Variants in CBL observed in about 807,000 individuals in gnomAD.
CBL encodes the protein Cbl proto-oncogene.
In CBL, 45 loss-of-function variants were observed where a neutral mutation model predicts 96.9. The observed-to-expected ratio is 0.46, with a 90% CI of 0.37 to 0.60. CBL has a LOEUF of 0.60. CBL is among the 20% of genes least tolerant of loss of function. The pLI, the probability that CBL is intolerant of heterozygous loss-of-function variation, is 0.00. For synonymous variants in CBL, 420 were observed against 426.8 expected (o/e 0.98, Z 0.20); for missense variants, 1,024 against 1,143.5 (o/e 0.90, Z 1.51).
chr11:119,286,301 A>G (rs1432838260), intron 11 of CBL, among the ~76,000 whole-genome samples: 7 of 151,478 alleles, frequency 4.6e-5, no homozygotes, highest in Non-Finnish European at 4.4e-5. Context: ...CTTTGTCTCA[A>G]AAAAAAAATG....
chr11:119,280,775 T>C (rs35592367), intron 9 of CBL, among the ~76,000 whole-genome samples: 3,731 of 152,262 alleles, frequency 0.025, 167 homozygotes, highest in African/African-American at 0.084. Flanking sequence ...TCTTGATCTC[T>C]TCACCTCAGA....
chr11:119,253,362 A>C (rs899068933), intron 2 of CBL, among the ~76,000 whole-genome samples: 6 of 150,042 alleles, frequency 4.0e-5, no homozygotes, highest in African/African-American at 1.5e-4. Context: ...ATATGCCTGT[A>C]GTCCCAGCTA....
chr11:119,292,008 A>G (rs1346318751), intron 12 of CBL, among the ~76,000 whole-genome samples: 2 of 152,192 alleles, frequency 1.3e-5, no homozygotes, highest in African/African-American at 4.8e-5. Flanking sequence ...ATGTGCCACC[A>G]TGCCTGGCTA....
intron 2 of CBL, among the ~76,000 whole-genome samples, chr11:119,236,880 C>A (rs536892024): frequency 7.0e-4 from 106 of 151,928 alleles, no homozygotes; most frequent in Non-Finnish European, 1.3e-3. Context: ...TAGTTGTCCC[C>A]CTTTATCCTC....
Position 119,277,676 on chromosome 11 carries a change from A to G in CBL, c.1008-81A>G, listed in dbSNP as rs528090024. 9.0e-5 allele frequency: 81 copies of G among 900,072 alleles called. No homozygotes were observed. The African/African-American group carries it at 1.1e-3, about 13-fold the overall frequency. The allele number at this position is 900,072 out of a possible 1,614,324, so 55.8% of individuals were successfully genotyped here. On this transcript the variant is annotated intron_variant, in intron 6 of 15. Coordinates refer to ENST00000264033, the MANE Select transcript of CBL (RefSeq NM_005188.4). Reference sequence around the variant, plus strand: ...CACGTTGCCCTTTTAGAATGGAGAAACTCCCAGATTCCATTTGTCTATATT... The same window carrying G: ...CACGTTGCCCTTTTAGAATGGAGAAGCTCCCAGATTCCATTTGTCTATATT...
intron 2 of CBL, among the ~76,000 whole-genome samples, chr11:119,264,615 GA>G (rs1949786639): frequency 6.6e-6 from 1 of 151,734 alleles, no homozygotes; most frequent in Admixed American, 6.6e-5. Context: ...CCTAGTAGCT[GA>G]GACTAGAGGT....
rs760597235 is a variant in CBL, at chr11:119,306,334, A to G, written c.*6553A>G. On this transcript the variant is annotated 3_prime_UTR_variant, in exon 16 of 16. Transcript: ENST00000264033. ...TCAGATCTCCTGATTTGGCAGCTGA[A>G]GAAATCAGCAGAGTCCTGATTGCCT... The G allele has an allele frequency of 3.5e-5, 14 of 398,650 alleles. No individual in the cohort carries two copies. The highest frequency in any genetic ancestry group is 5.3e-5 in the Non-Finnish European group (12 of 226,154). 24.7% of individuals were successfully genotyped at this position (398,650 alleles called of 1,614,324 possible). A position where few individuals can be genotyped will look rare whatever the true frequency, so the allele number is the denominator to read the frequency against.
At chr11:119,232,380 T>C (rs1949509877) in intron 1 of CBL, 68 bp from the exon 2 acceptor site, 1 of 1,567,336 alleles carries the variant, frequency 6.4e-7, no homozygotes, top group Non-Finnish European at 8.7e-7. Context: ...ATAACTTTCT[T>C]AAACTTAAAA....
chr11:119,281,805 G>A (rs1437789313), intron 9 of CBL, among the ~76,000 whole-genome samples: 1 of 152,004 alleles, frequency 6.6e-6, no homozygotes, highest in Non-Finnish European at 1.5e-5. Context: ...CCCACCAGAA[G>A]CTTTTAAGAT....
chr11:119,263,080 G>A (rs139799214), intron 2 of CBL, among the ~76,000 whole-genome samples: 19 of 152,266 alleles, frequency 1.2e-4, no homozygotes, highest in East Asian at 5.8e-4. Context: ...ATTTAGCTTA[G>A]TAAAGCATCT....
At chr11:119,213,799 T>C (rs970095857) in intron 1 of CBL, among the ~76,000 whole-genome samples, 10 of 152,236 alleles carry the variant, frequency 6.6e-5, no homozygotes, top group African/African-American at 2.4e-4. Flanking sequence ...CTTAAGCGTC[T>C]GGGCTCAAGC....
In CBL at chr11:119,303,246, G is replaced by T. The variant is rs1180246579; in HGVS notation, c.*3465G>T. 1 of 232,044 alleles carries T rather than the reference G, an allele frequency of 4.3e-6. No individual in the cohort carries two copies. The highest frequency in any genetic ancestry group is 8.5e-6 in the Non-Finnish European group (1 of 117,138). The allele number at this position is 232,044 out of a possible 1,614,324, so 14.4% of individuals were successfully genotyped here. On this transcript the variant is annotated 3_prime_UTR_variant, in exon 16 of 16. Coordinates refer to ENST00000264033, the MANE Select transcript of CBL (RefSeq NM_005188.4). ...CTACCTCACGTCATTAAAGTCAGAA[G>T]ATTATAGACCTTCTCAAACTATAAG... is the stretch of plus-strand genomic sequence containing the variant.
In CBL at chr11:119,277,241, G is replaced by GCACACACACACACACACACA. The variant is rs59099916; in HGVS notation, c.1008-505_1008-486dup. ...CAAAAAAAAAATAAGAATCTGTCGC[G>GCACACACACACACACACACA]CACACACACACACACACACACACAC... On this transcript the variant is annotated intron_variant, in intron 6 of 15. Transcript: ENST00000264033. 7.0e-4 allele frequency among the ~76,000 whole-genome samples: 102 copies of GCACACACACACACACACACA among 146,484 alleles called. 2 individuals carry two copies. Among genetic ancestry groups the GCACACACACACACACACACA allele is most frequent in the African/African-American group, 1.6e-3 (63 of 39,346 alleles).
intron 1 of CBL, among the ~76,000 whole-genome samples, chr11:119,210,905 C>T (rs1949311782): frequency 6.6e-6 from 1 of 152,024 alleles, no homozygotes; most frequent in African/African-American, 2.4e-5. Context: ...TGCCTGAAAA[C>T]CCCCAATAGT....
chr11:119,293,814 G>A (rs1200103201), intron 12 of CBL, among the ~76,000 whole-genome samples: 1 of 152,188 alleles, frequency 6.6e-6, no homozygotes, highest in Non-Finnish European at 1.5e-5. Context: ...CGCTGGCATG[G>A]TGAGGGCCTT....
intron 1 of CBL, among the ~76,000 whole-genome samples, chr11:119,228,125 C>CT (rs1181331030): frequency 6.7e-6 from 1 of 149,938 alleles, no homozygotes; most frequent in East Asian, 2.0e-4. Flanking sequence ...AATGTATTCT[C>CT]TTTTTTTTGA....
chr11:119,270,485 C>T (rs1180111983), intron 2 of CBL, among the ~76,000 whole-genome samples: 78 of 98,652 alleles, frequency 7.9e-4, no homozygotes, highest in Middle Eastern at 0.01. Context: ...CTCGCTCTGT[C>T]GCCCAGGCTG....
At chr11:119,286,023 G>T (rs1949982282) in intron 11 of CBL, among the ~76,000 whole-genome samples, 1 of 152,206 alleles carries the variant, frequency 6.6e-6, no homozygotes. Context: ...ATATGGCTGG[G>T]CGTGGTGGCT....
At chr11:119,255,669 A>G (rs1275945679) in intron 2 of CBL, among the ~76,000 whole-genome samples, 1 of 152,196 alleles carries the variant, frequency 6.6e-6, no homozygotes, top group Admixed American at 6.5e-5. Flanking sequence ...GGAAGTAATC[A>G]AAATGAGTTA....
Sources: allele counts gnomAD v4.1 joint callset (sites outside exome capture counted in the v4.1 genomes callset), GRCh38; gene constraint gnomAD v4.1.1; transcripts MANE v1.5; gene names NCBI Gene and HGNC (gene_info 2026-07-23, HGNC 2026-07-21).